The following VTI1A variants were observed in gnomAD, a reference collection of about 807,000 sequenced individuals.
VTI1A encodes the protein vesicle transport through interaction with t-SNAREs 1A.
Under a neutral mutation model 34.9 loss-of-function variants are expected in VTI1A, and 22 were observed. The ratio of observed to expected loss-of-function variants is 0.63; its 90% CI spans 0.45 to 0.90. The LOEUF is 0.90. VTI1A is among the 40% of genes least tolerant of loss of function. VTI1A has a pLI of 0.00. For synonymous variants in VTI1A, 87 were observed against 97.3 expected, an observed-to-expected ratio of 0.89 and a Z score of 0.62; for missense variants, 268 against 275.6, an observed-to-expected ratio of 0.97 and a Z score of 0.20.
intron 7 of VTI1A, among the ~76,000 whole-genome samples, chr10:112,813,526 A>T (rs919701519): frequency 2.6e-5 from 4 of 152,168 alleles, no homozygotes; most frequent in Non-Finnish European, 4.4e-5. Context: ...GGCAAATGGG[A>T]TGTGTAGGGA....
intron 3 of VTI1A, among the ~76,000 whole-genome samples, chr10:112,473,863 A>G (rs971318868): frequency 2.0e-5 from 3 of 152,074 alleles, no homozygotes; most frequent in Admixed American, 1.3e-4. Context: ...GATTTTGGGG[A>G]TTTTATAGAC....
At chr10:112,615,072 A>G (rs1175493304) in intron 5 of VTI1A, among the ~76,000 whole-genome samples, 1 of 152,234 alleles carries the variant, frequency 6.6e-6, no homozygotes, top group Non-Finnish European at 1.5e-5. Flanking sequence ...TAGCTGAAAA[A>G]AAACCTAAAA....
At chr10:112,457,922 A>G (rs1200130100) in intron 1 of VTI1A, among the ~76,000 whole-genome samples, 1 of 152,210 alleles carries the variant, frequency 6.6e-6, no homozygotes, top group Non-Finnish European at 1.5e-5. Flanking sequence ...GATTAAATAA[A>G]AACAGGACCT....
At chr10:112,627,886 G>A (rs539782074) in intron 5 of VTI1A, among the ~76,000 whole-genome samples, 10 of 152,094 alleles carry the variant, frequency 6.6e-5, no homozygotes, top group Non-Finnish European at 1.5e-4. Context: ...AGGATAAAAG[G>A]ATAGATAATT....
At chr10:112,623,797 A>G (rs1436584465) in intron 5 of VTI1A, among the ~76,000 whole-genome samples, 1 of 152,132 alleles carries the variant, frequency 6.6e-6, no homozygotes, top group Non-Finnish European at 1.5e-5. Flanking sequence ...CTGATTAACA[A>G]CCTCGGCACT....
intron 7 of VTI1A, among the ~76,000 whole-genome samples, chr10:112,812,836 C>T (rs1853365137): frequency 6.6e-6 from 1 of 152,126 alleles, no homozygotes; most frequent in Non-Finnish European, 1.5e-5. Context: ...CCAAGTAGTG[C>T]TGAGAAGGCG....
chr10:112,544,420 G>C (rs1850994232), intron 5 of VTI1A, among the ~76,000 whole-genome samples: 2 of 152,106 alleles, frequency 1.3e-5, no homozygotes, highest in Admixed American at 1.3e-4. Flanking sequence ...AGTAGAGACA[G>C]GGTTTCACCA....
chr10:112,760,763 C>A (rs1851433953), intron 7 of VTI1A, among the ~76,000 whole-genome samples: 1 of 151,920 alleles, frequency 6.6e-6, no homozygotes, highest in Admixed American at 6.6e-5. Flanking sequence ...GTGGTGTGCG[C>A]CTGTAATCCC....
chr10:112,682,800 T>C (rs963885554), intron 7 of VTI1A, among the ~76,000 whole-genome samples: 5 of 152,150 alleles, frequency 3.3e-5, no homozygotes, highest in African/African-American at 1.2e-4. Flanking sequence ...GGAATAAATA[T>C]TGTAGAATGG....
chr10:112,536,438 G>A (rs1210110524), intron 4 of VTI1A, among the ~76,000 whole-genome samples: 1 of 152,164 alleles, frequency 6.6e-6, no homozygotes, highest in Non-Finnish European at 1.5e-5. Flanking sequence ...ACAAGCCTTA[G>A]TAAAGTGTTT....
the VTI1A span, among the ~76,000 whole-genome samples, chr10:112,828,703 C>T: frequency 2.6e-5 from 4 of 151,948 alleles, no homozygotes; most frequent in Non-Finnish European, 5.9e-5. Flanking sequence ...CCCACCCGGC[C>T]TAAAATTATT....
chr10:112,616,582 C>G (rs751639190), intron 5 of VTI1A, among the ~76,000 whole-genome samples: 2 of 151,938 alleles, frequency 1.3e-5, no homozygotes, highest in African/African-American at 2.4e-5. Flanking sequence ...AAATGAGAGT[C>G]AACTCAAACA....
At chr10:112,528,548 G>A (rs1850318696) in intron 4 of VTI1A, among the ~76,000 whole-genome samples, 1 of 151,682 alleles carries the variant, frequency 6.6e-6, no homozygotes, top group Non-Finnish European at 1.5e-5. Flanking sequence ...ATGTGATAAA[G>A]GGGCTTTACT....
intron 7 of VTI1A, chr10:112,677,866 C>G (rs11815993): frequency 0.13 from 20,070 of 152,256 alleles, 1,395 homozygotes; most frequent in Middle Eastern, 0.16. Flanking sequence ...CTGAGGTCAA[C>G]CCTCGCTTCT....
At chr10:112,827,230 T>C in the VTI1A span, 2 of 152,192 alleles carry the variant, frequency 1.3e-5, no homozygotes, top group Non-Finnish European at 2.9e-5. Context: ...ATCGCTCTTC[T>C]CCGTGTAACT....
At chr10:112,639,239 T>A (rs10490999) in intron 5 of VTI1A, among the ~76,000 whole-genome samples, 10 of 152,090 alleles carry the variant, frequency 6.6e-5, no homozygotes, top group South Asian at 2.1e-4. Flanking sequence ...TTTTTATTAC[T>A]AAATTTCATT....
chr10:112,628,320 A>G (rs189119201), intron 5 of VTI1A, among the ~76,000 whole-genome samples: 37 of 152,290 alleles, frequency 2.4e-4, no homozygotes, highest in African/African-American at 8.2e-4. Context: ...TAGGTATTAT[A>G]GGATTAATAT....
intron 7 of VTI1A, among the ~76,000 whole-genome samples, chr10:112,678,984 T>TC (rs966081029): frequency 9.9e-5 from 15 of 152,068 alleles, no homozygotes; most frequent in African/African-American, 3.4e-4. Context: ...TTTTTGTTTT[T>TC]TTCTATAATA....
chr10:112,490,454 T>C (rs1277252354), intron 3 of VTI1A, among the ~76,000 whole-genome samples: 1 of 152,208 alleles, frequency 6.6e-6, no homozygotes, highest in Non-Finnish European at 1.5e-5. Context: ...TCATAAATAC[T>C]GTTTTACAGA....
Sources: gnomAD v4.1 joint callset for allele counts (sites outside exome capture counted in the v4.1 genomes callset) on GRCh38, gnomAD v4.1.1 for gene constraint, MANE v1.5 for transcripts, NCBI Gene and HGNC (gene_info 2026-07-23, HGNC 2026-07-21) for gene names.